The following AMMECR1 variants were observed in gnomAD, a reference collection of about 807,000 sequenced individuals.
AMMECR1 encodes nuclear protein AMMECR1.
A neutral mutation model predicts 22.5 loss-of-function variants in AMMECR1; 3 were observed. The ratio of observed to expected loss-of-function variants is 0.13; its 90% CI spans 0.06 to 0.35. AMMECR1 has a LOEUF of 0.35. AMMECR1 is among the 10% of genes least tolerant of loss of function. The probability of loss-of-function intolerance (pLI) is 1.00; values close to 1 mark genes in which losing one functional copy is unlikely to be tolerated. For synonymous variants in AMMECR1, 130 were observed against 116.7 expected (o/e 1.11, Z -0.74); for missense variants, 235 against 278.7 (o/e 0.84, Z 1.12).
chrX:110,375,504 C>T (rs750485531), intron 2 of AMMECR1, among the ~76,000 whole-genome samples: 1 of 110,935 alleles, frequency 9.0e-6, no homozygotes, highest in African/African-American at 3.3e-5. Context: ...GGGCCTAGAA[C>T]GTAGTAGGGG....
intron 2 of AMMECR1, among the ~76,000 whole-genome samples, chrX:110,355,389 A>C (rs2068226220): frequency 8.9e-6 from 1 of 111,998 alleles, no homozygotes; most frequent in Non-Finnish European, 1.9e-5. Context: ...AACAGAGCAA[A>C]ACCCTGTCTC....
At chrX:110,386,024 T>G (rs1364854429) in intron 2 of AMMECR1, among the ~76,000 whole-genome samples, 3 of 112,476 alleles carry the variant, frequency 2.7e-5, no homozygotes, top group Non-Finnish European at 5.6e-5. Context: ...TTTTTCCATT[T>G]ATCAGTTGAT....
intron 2 of AMMECR1, among the ~76,000 whole-genome samples, chrX:110,418,626 A>T (rs747180480): frequency 6.6e-4 from 74 of 111,420 alleles, no homozygotes; most frequent in Non-Finnish European, 1.4e-3. Context: ...CCCTTCCCCA[A>T]ACTGCCACGG....
chrX:110,266,571 C>T (rs907815646), intron 1 of AMMECR1, among the ~76,000 whole-genome samples: 2 of 110,070 alleles, frequency 1.8e-5, no homozygotes, highest in African/African-American at 3.3e-5. Context: ...TTAGTAGAGA[C>T]GGGGTTTCAC....
At chrX:110,398,973 C>A (rs933095147) in intron 2 of AMMECR1, among the ~76,000 whole-genome samples, 5 of 111,862 alleles carry the variant, frequency 4.5e-5, no homozygotes, top group Non-Finnish European at 9.4e-5. Flanking sequence ...ATTATTGATA[C>A]CTGCCATATA....
intron 2 of AMMECR1, among the ~76,000 whole-genome samples, chrX:110,375,508 G>A (rs367973589): frequency 3.6e-5 from 4 of 110,954 alleles, no homozygotes; most frequent in East Asian, 5.6e-4. Flanking sequence ...CTAGAACGTA[G>A]TAGGGGCTCA....
In AMMECR1 at chrX:110,229,587, C is replaced by T. The variant is rs143602408; in HGVS notation, c.585-12955G>A. Among the ~76,000 whole-genome samples, 669 of 112,275 alleles carry T rather than the reference C, an allele frequency of 6.0e-3. 2 individuals are homozygous for T. The highest frequency in any genetic ancestry group is 0.02 in the African/African-American group (609 of 30,911). The stretch of plus-strand genomic sequence containing the variant: ...CTCCAGTCTGCAGCTCCCAGCATGA[C>T]CAATGCAGAAGGTGGATGATTTCTG... On this transcript the variant is annotated intron_variant, in intron 2 of 5. Coordinates refer to ENST00000262844, the MANE Select transcript of AMMECR1 (RefSeq NM_015365.3).
intron 2 of AMMECR1, among the ~76,000 whole-genome samples, chrX:110,254,478 A>T (rs2067701136): frequency 8.9e-6 from 1 of 111,798 alleles, no homozygotes; most frequent in African/African-American, 3.3e-5. Flanking sequence ...AAAAAGATCT[A>T]CAAAACTTCT....
At chrX:110,377,024 A>G (rs2068381595) in intron 2 of AMMECR1, among the ~76,000 whole-genome samples, 2 of 111,812 alleles carry the variant, frequency 1.8e-5, no homozygotes, top group Non-Finnish European at 3.8e-5. Flanking sequence ...GCACTGCAGT[A>G]GTGGTAGGCA....
Position 110,326,842 on chromosome X carries a change from A to T in AMMECR1, c.-147-8993T>A, listed in dbSNP as rs1054104999. 9.8e-5 allele frequency among the ~76,000 whole-genome samples: 11 copies of T among 112,087 alleles called. No homozygotes were observed. The South Asian group carries it at 1.5e-3, about 15-fold the overall frequency. ...AGTCAGGAGACTTCGTTAATTCAGG[A>T]TAGGCCTGGACCTAGGTGGTGGCGG... On this transcript the variant is annotated intron_variant, in intron 2 of 7. Transcript: ENST00000372057.
At position 110,291,481 on chromosome X, in the gene AMMECR1, G is replaced by A. The variant is rs1187706879; in HGVS notation, c.473+26118C>T. Among the ~76,000 whole-genome samples the A allele has an allele frequency of 5.4e-5, 6 of 111,340 alleles. No individual in the cohort carries two copies. In the East Asian group the frequency reaches 8.5e-4, roughly 16 times the overall value. On this transcript the variant is annotated intron_variant, in intron 1 of 5. Coordinates refer to ENST00000262844, the MANE Select transcript of AMMECR1 (RefSeq NM_015365.3). ...GCAGAGGTCGCAGTGAGCAGAGATC[G>A]TGCCATTGCACTCCAGCCTGGGCGA...
intron 1 of AMMECR1, among the ~76,000 whole-genome samples, chrX:110,309,982 A>T (rs776307556): frequency 8.9e-6 from 1 of 112,654 alleles, no homozygotes; most frequent in East Asian, 2.8e-4. Flanking sequence ...GACTAAGAAA[A>T]TGTAAAAACC....
Position 110,197,300 on chromosome X carries a change from C to G in AMMECR1, c.*1220G>C, listed in dbSNP as rs747855818. Reference sequence around the variant, plus strand: ...GCTATTTTATAGTATCTCTAAAACTCTAATATTGTCCCCATGACAAACATA... The same window carrying G: ...GCTATTTTATAGTATCTCTAAAACTGTAATATTGTCCCCATGACAAACATA... On this transcript the variant is annotated 3_prime_UTR_variant, in exon 6 of 6. Coordinates refer to ENST00000262844, the MANE Select transcript of AMMECR1 (RefSeq NM_015365.3). 13 of 112,234 alleles carry G rather than the reference C, an allele frequency of 1.2e-4. No individual in the cohort carries two copies. Among genetic ancestry groups the G allele is most frequent in the African/African-American group, 3.2e-4 (10 of 30,922 alleles). 9.2% of individuals were successfully genotyped at this position (112,234 alleles called of 1,213,427 possible). A position where few individuals can be genotyped will look rare whatever the true frequency, so the allele number is the denominator to read the frequency against.
chrX:110,236,312 T>C (rs931084345), intron 2 of AMMECR1, among the ~76,000 whole-genome samples: 2 of 111,223 alleles, frequency 1.8e-5, no homozygotes, highest in Admixed American at 1.9e-4. Context: ...TACCATATTA[T>C]ACGAGTTACT....
At chrX:110,375,006 G>A (rs1336961428) in intron 2 of AMMECR1, among the ~76,000 whole-genome samples, 2 of 111,625 alleles carry the variant, frequency 1.8e-5, no homozygotes, top group Non-Finnish European at 3.8e-5. Flanking sequence ...GAAAGAGCAA[G>A]AAGGCTGGGT....
intron 2 of AMMECR1, among the ~76,000 whole-genome samples, chrX:110,356,226 C>T (rs1192054711): frequency 1.9e-5 from 2 of 104,006 alleles, no homozygotes; most frequent in Non-Finnish European, 3.9e-5. Flanking sequence ...CATCTCGGCT[C>T]ACTGCAACCT....
chrX:110,433,303 G>A (rs1439737458), intron 1 of AMMECR1, among the ~76,000 whole-genome samples: 1 of 112,193 alleles, frequency 8.9e-6, no homozygotes, highest in African/African-American at 3.2e-5. Flanking sequence ...AACTTGAATG[G>A]GGAAACAACT....
chrX:110,299,070 T>C (rs2067952483), intron 1 of AMMECR1, among the ~76,000 whole-genome samples: 1 of 111,799 alleles, frequency 8.9e-6, no homozygotes, highest in Non-Finnish European at 1.9e-5. Context: ...TACTTTAAAG[T>C]TAATATGTGT....
At chrX:110,340,278 T>C (rs1252410154) in intron 2 of AMMECR1, among the ~76,000 whole-genome samples, 1 of 112,001 alleles carries the variant, frequency 8.9e-6, no homozygotes, top group Non-Finnish European at 1.9e-5. Flanking sequence ...AAATGATAGC[T>C]ATTATTGTTA....
Sources: gnomAD v4.1 joint callset for allele counts (sites outside exome capture counted in the v4.1 genomes callset) on GRCh38, gnomAD v4.1.1 for gene constraint, MANE v1.5 for transcripts, NCBI Gene and HGNC (gene_info 2026-07-23, HGNC 2026-07-21) for gene names.